The following OR2L13 variants were observed in gnomAD, a reference collection of about 807,000 sequenced individuals.
The protein encoded by OR2L13 is olfactory receptor 2L13.
Under a neutral mutation model 15.3 loss-of-function variants are expected in OR2L13, and 14 were observed. The observed-to-expected ratio is 0.91, with a 90% CI of 0.60 to 1.43. The LOEUF is 1.43. Ranked by LOEUF, OR2L13 falls within the 40% of genes most tolerant of loss-of-function variation. The probability of loss-of-function intolerance (pLI) is 0.00; values close to 1 mark genes in which losing one functional copy is unlikely to be tolerated. For synonymous variants in OR2L13, 152 were observed against 142.9 expected, an observed-to-expected ratio of 1.06 and a Z score of -0.45; for missense variants, 367 against 387.9, an observed-to-expected ratio of 0.95 and a Z score of 0.45.
At chr1:247,951,196 A>C in the OR2L13 span, among the ~76,000 whole-genome samples, 1 of 152,124 alleles carries the variant, frequency 6.6e-6, no homozygotes, top group Non-Finnish European at 1.5e-5. Flanking sequence ...ACATCTTTGT[A>C]GTATAGTTTG....
At chr1:248,005,114 G>C in the OR2L13 span, among the ~76,000 whole-genome samples, 1 of 152,122 alleles carries the variant, frequency 6.6e-6, no homozygotes, top group East Asian at 1.9e-4. Flanking sequence ...TAGCACAACA[G>C]AGTGACTATA....
chr1:248,051,542 A>G, the OR2L13 span, among the ~76,000 whole-genome samples: 1 of 152,176 alleles, frequency 6.6e-6, no homozygotes, highest in Non-Finnish European at 1.5e-5. Context: ...TTGGGTACAC[A>G]TGGACATAAA....
At chr1:248,053,495 G>C in the OR2L13 span, among the ~76,000 whole-genome samples, 1 of 152,154 alleles carries the variant, frequency 6.6e-6, no homozygotes, top group Non-Finnish European at 1.5e-5. Context: ...GGATCAAATG[G>C]TATTTCCAGT....
the OR2L13 span, chr1:248,084,486 C>T: frequency 6.2e-7 from 1 of 1,612,516 alleles, no homozygotes; most frequent in South Asian, 1.1e-5. Context: ...AATTGCCAAA[C>T]AGGGAGGTCA....
the OR2L13 span, among the ~76,000 whole-genome samples, chr1:248,077,438 T>A: frequency 1.3e-5 from 2 of 152,228 alleles, no homozygotes; most frequent in Non-Finnish European, 2.9e-5. Context: ...TCTTTGTACC[T>A]CTGGTAGAAT....
chr1:248,044,804 C>A, the OR2L13 span, among the ~76,000 whole-genome samples: 5 of 125,058 alleles, frequency 4.0e-5, no homozygotes, highest in East Asian at 9.7e-4. Context: ...AGCGAAACTC[C>A]GTCTCAAAAA....
chr1:247,968,646 C>T, the OR2L13 span, among the ~76,000 whole-genome samples: 44 of 152,240 alleles, frequency 2.9e-4, no homozygotes, highest in African/African-American at 9.9e-4. Context: ...TTTCCAGCTC[C>T]ATCCATGTCC....
the OR2L13 span, among the ~76,000 whole-genome samples, chr1:248,036,480 T>A: frequency 6.6e-6 from 1 of 152,198 alleles, no homozygotes; most frequent in Non-Finnish European, 1.5e-5. Context: ...TTTGTGATAG[T>A]TTTAACTCAG....
At chr1:248,012,578 A>T in the OR2L13 span, among the ~76,000 whole-genome samples, 830 of 152,266 alleles carry the variant, frequency 5.5e-3, 10 homozygotes, top group African/African-American at 0.019. Context: ...TGTGCACTAG[A>T]TGTGGCATCT....
the OR2L13 span, among the ~76,000 whole-genome samples, chr1:247,972,442 G>T: frequency 6.6e-6 from 1 of 152,138 alleles, no homozygotes; most frequent in Non-Finnish European, 1.5e-5. Context: ...TATCACCACT[G>T]ATCCCACAGA....
the OR2L13 span, chr1:247,975,416 G>T: frequency 1.5e-6 from 1 of 689,256 alleles, no homozygotes; most frequent in Non-Finnish European, 2.7e-6. Flanking sequence ...TCTGCAGAAG[G>T]GAGGAAGAAG....
At chr1:248,039,234 G>A in the OR2L13 span, 15 of 1,574,812 alleles carry the variant, frequency 9.5e-6, no homozygotes, top group Middle Eastern at 1.7e-4. Flanking sequence ...GAGTCAAAGC[G>A]CTAGGTTCAT....
At chr1:247,990,437 C>T in the OR2L13 span, 451 of 1,582,960 alleles carry the variant, frequency 2.8e-4, 2 homozygotes, top group Non-Finnish European at 3.7e-4. Context: ...TCCACACACC[C>T]ATGTATTTCC....
the OR2L13 span, among the ~76,000 whole-genome samples, chr1:247,958,129 C>G: frequency 6.6e-6 from 1 of 152,086 alleles, no homozygotes; most frequent in Non-Finnish European, 1.5e-5. Flanking sequence ...CCCAGAGATT[C>G]TGGTATGTTG....
the OR2L13 span, chr1:248,061,406 C>A: frequency 3.7e-6 from 6 of 1,614,116 alleles, no homozygotes; most frequent in East Asian, 2.2e-5. Flanking sequence ...ACCTGCAGCA[C>A]CCACCTCACT....
the OR2L13 span, chr1:248,003,501 C>G: frequency 1.9e-6 from 3 of 1,611,686 alleles, no homozygotes; most frequent in African/African-American, 1.3e-5. Context: ...CGTTGCATTG[C>G]TATTTGCTTT....
the OR2L13 span, among the ~76,000 whole-genome samples, chr1:247,956,879 G>C: frequency 1.3e-5 from 2 of 152,172 alleles, no homozygotes; most frequent in East Asian, 1.9e-4. Flanking sequence ...ATACAATCAT[G>C]TCATCTGCAA....
At chr1:247,947,540 T>C in the OR2L13 span, among the ~76,000 whole-genome samples, 1 of 152,220 alleles carries the variant, frequency 6.6e-6, no homozygotes, top group Admixed American at 6.5e-5. Context: ...AGTTTCTTTT[T>C]TTTATTTAGG....
At chr1:248,085,624 T>C in the OR2L13 span, among the ~76,000 whole-genome samples, 1 of 152,024 alleles carries the variant, frequency 6.6e-6, no homozygotes, top group Non-Finnish European at 1.5e-5. Flanking sequence ...AGAAAAAAAG[T>C]AAACATGAAA....
Sources: allele counts gnomAD v4.1 joint callset (sites outside exome capture counted in the v4.1 genomes callset), GRCh38; gene constraint gnomAD v4.1.1; transcripts MANE v1.5; gene names NCBI Gene and HGNC (gene_info 2026-07-23, HGNC 2026-07-21).